The following NMD3 variants were observed in gnomAD, a reference collection of about 807,000 sequenced individuals.
The protein encoded by NMD3 is NMD3 ribosome export adaptor, also known as 60S ribosomal export protein NMD3.
NMD3 carries 47 observed loss-of-function variants against 73.1 expected under a neutral mutation model. The ratio of observed to expected loss-of-function variants is 0.64; its 90% CI spans 0.51 to 0.82. NMD3 has a LOEUF of 0.82. Ranked by LOEUF, NMD3 falls within the 40% of genes least tolerant of loss-of-function variation. The pLI, the probability that NMD3 is intolerant of heterozygous loss-of-function variation, is 0.00. For missense variants in NMD3, 554 were observed against 612.5 expected (o/e 0.90, Z 1.01); for synonymous variants, 210 against 194.5 (o/e 1.08, Z -0.66).
At chr3:161,229,355 G>T (rs1009104219) in intron 4 of NMD3, among the ~76,000 whole-genome samples, 1 of 152,162 alleles carries the variant, frequency 6.6e-6, no homozygotes, top group African/African-American at 2.4e-5. Context: ...CAATGGAGGT[G>T]GTAAGAAGTG....
At chr3:161,221,431 CT>C (rs1010385180) in intron 1 of NMD3, 22 bp downstream of exon 1, 2 of 152,380 alleles carry the variant, frequency 1.3e-5, no homozygotes, top group African/African-American at 4.8e-5. Context: ...AGTCCGAGAC[CT>C]GGGCTGTCGG....
At chr3:161,225,331 A>G (rs1736272314) in intron 3 of NMD3, among the ~76,000 whole-genome samples, 2 of 152,182 alleles carry the variant, frequency 1.3e-5, no homozygotes, top group African/African-American at 4.8e-5. Flanking sequence ...GTATATAGTT[A>G]ATAGGAGTTG....
At chr3:161,248,495 GATAA>G (rs1376268537) in intron 13 of NMD3, among the ~76,000 whole-genome samples, 3 of 151,978 alleles carry the variant, frequency 2.0e-5, no homozygotes, top group African/African-American at 4.8e-5. Flanking sequence ...GTCTCCAAAA[GATAA>G]ATAAATAAAT....
intron 6 of NMD3, 75 bp from the exon 7 acceptor site, chr3:161,235,047 A>T: frequency 1.2e-6 from 1 of 861,092 alleles, no homozygotes; most frequent in Non-Finnish European, 1.9e-6. Context: ...CTCTATCTGT[A>T]GATAGTATGT....
At chr3:161,246,813 G>A (rs906085438) in intron 12 of NMD3, among the ~76,000 whole-genome samples, 3 of 152,068 alleles carry the variant, frequency 2.0e-5, no homozygotes, top group South Asian at 2.1e-4. Context: ...ATATACAAAG[G>A]GCTTGTAAAG....
At chr3:161,229,178 A>C (rs1736441496) in intron 4 of NMD3, among the ~76,000 whole-genome samples, 1 of 152,196 alleles carries the variant, frequency 6.6e-6, no homozygotes, top group Non-Finnish European at 1.5e-5. Context: ...AGGCCCTTAT[A>C]GGGGCTGTTT....
chr3:161,250,339 G>A lies in NMD3; in HGVS notation c.1381+13G>A. On this transcript the variant is annotated intron_variant, in intron 15 of 15. Transcript: ENST00000351193. ...AACATTTACAGAGGTTGGTGTTCTA[G>A]GAGTGTTTAAGTCATTTGTTCTGTA... The A allele has an allele frequency of 6.5e-7, 1 of 1,545,116 alleles. No individual in the cohort carries two copies. Among genetic ancestry groups the A allele is most frequent in the Non-Finnish European group, 8.9e-7 (1 of 1,119,826 alleles).
At chr3:161,221,452 C>G (rs1337978167) in intron 1 of NMD3, 43 bp downstream of exon 1, 1 of 152,462 alleles carries the variant, frequency 6.6e-6, no homozygotes, top group South Asian at 2.1e-4. Flanking sequence ...GCCGCGGGCC[C>G]CTGAGTAGCG....
chr3:161,221,826 C>G (rs1205908952), intron 1 of NMD3, 168 bp from the exon 2 acceptor site: 3 of 490,902 alleles, frequency 6.1e-6, no homozygotes, highest in Non-Finnish European at 1.1e-5. Flanking sequence ...TTTTAACGAA[C>G]TTACCCAGTG....
chr3:161,242,710 C>T (rs1737041174), intron 11 of NMD3, 57 bp downstream of exon 11: 1 of 1,529,890 alleles, frequency 6.5e-7, no homozygotes. Flanking sequence ...ATTATTGTTT[C>T]AGTCCCTCTT....
At chr3:161,232,142 T>C (rs1736569911) in intron 4 of NMD3, among the ~76,000 whole-genome samples, 1 of 150,588 alleles carries the variant, frequency 6.6e-6, no homozygotes, top group African/African-American at 2.4e-5. Context: ...GGGGCTTTTT[T>C]TTTTTTTTTT....
At chr3:161,244,312 G>T (rs920832044) in intron 11 of NMD3, among the ~76,000 whole-genome samples, 2 of 152,040 alleles carry the variant, frequency 1.3e-5, no homozygotes, top group Non-Finnish European at 2.9e-5. Context: ...TAATTTCTTT[G>T]TAGAGATGGG....
At chr3:161,238,332 G>A in intron 8 of NMD3, 141 bp downstream of exon 8, 1 of 637,408 alleles carries the variant, frequency 1.6e-6, no homozygotes, top group Non-Finnish European at 2.7e-6. Context: ...CATATATTGG[G>A]TTAACCACCC....
intron 3 of NMD3, among the ~76,000 whole-genome samples, chr3:161,225,436 TTA>T (rs1326795139): frequency 6.6e-6 from 1 of 152,218 alleles, no homozygotes; most frequent in African/African-American, 2.4e-5. Context: ...GATAAAAAGC[TTA>T]TGTTTGGAGT....
At chr3:161,226,448 A>G (rs769556983) in intron 3 of NMD3, among the ~76,000 whole-genome samples, 1 of 152,164 alleles carries the variant, frequency 6.6e-6, no homozygotes, top group Non-Finnish European at 1.5e-5. Context: ...CTCTGTCTCA[A>G]AAGAAAAAAG....
chr3:161,221,958 CTTTTTTTTTTTTTT>C lies in NMD3; in HGVS notation c.-20-19_-20-6del, dbSNP rs376329329. 2.7e-3 allele frequency: 2,375 copies of C among 868,506 alleles called. 21 individuals are homozygous for C. In the South Asian group the frequency reaches 0.031, roughly 11 times the overall value. The allele number at this position is 868,506 out of a possible 1,614,324, so 53.8% of individuals were successfully genotyped here. On this transcript the variant is annotated intron_variant, in intron 1 of 15. Coordinates refer to ENST00000351193, the MANE Select transcript of NMD3 (RefSeq NM_015938.5). ...AAAGTGATTTAAATCCCAACATTCT[CTTTTTTTTTTTTTT>C]TTTTTTTTTTTTTTTTAAAAGAACT...
chr3:161,236,264 TA>T (rs1295300266), intron 7 of NMD3, among the ~76,000 whole-genome samples: 1 of 152,112 alleles, frequency 6.6e-6, no homozygotes, highest in Non-Finnish European at 1.5e-5. Context: ...TGTTTATATA[TA>T]AAAAACTACC....
Position 161,250,701 on chromosome 3 carries a change from G to A in NMD3, c.1382-79G>A, listed in dbSNP as rs886220330. On this transcript the variant is annotated intron_variant, in intron 15 of 15. Transcript: ENST00000351193. Reference sequence around the variant, plus strand: ...AATAATAATGATAAGGTAGATATTTGTATATTTTCAAATATATTTAATACT... The same window carrying A: ...AATAATAATGATAAGGTAGATATTTATATATTTTCAAATATATTTAATACT... 4.3e-5 allele frequency: 36 copies of A among 843,880 alleles called. No individual in the cohort carries two copies. In the African/African-American group the frequency reaches 5.8e-4, roughly 14 times the overall value. The allele number at this position is 843,880 out of a possible 1,614,324, so 52.3% of individuals were successfully genotyped here.
Position 161,241,113 on chromosome 3 carries a change from G to A in NMD3, c.821G>A (p.Cys274Tyr), listed in dbSNP as rs1017431621. ...GGAAATATGAACCAGATTTGTGTGT[G>A]TATTCGAGTAACCAGTGCCATTCAC... ...SLGNMNQICV[C>Y]IRVTSAIHLI... is the part of the protein sequence containing the mutation. Residue 274 changes from cysteine to tyrosine, a missense_variant, in exon 10 of 16, where the codon TGT becomes TAT. By Grantham distance (194) the Cys-to-Tyr change is radical. Coordinates refer to ENST00000351193, the MANE Select transcript of NMD3 (RefSeq NM_015938.5). 2.5e-6 allele frequency: 4 copies of A among 1,613,400 alleles called. No homozygotes were observed. Among genetic ancestry groups the A allele is most frequent in the Non-Finnish European group, 2.5e-6 (3 of 1,179,584 alleles).
Sources: allele counts gnomAD v4.1 joint callset (sites outside exome capture counted in the v4.1 genomes callset), GRCh38; gene constraint gnomAD v4.1.1; transcripts MANE v1.5; gene names NCBI Gene and HGNC (gene_info 2026-07-23, HGNC 2026-07-21).